LRRC4C: variants seen among roughly 807,000 people sequenced by gnomAD.
LRRC4C encodes the protein leucine-rich repeat-containing protein 4C.
Under a neutral mutation model 33.6 loss-of-function variants are expected in LRRC4C, and 5 were observed. The observed-to-expected ratio is 0.15, with a 90% confidence interval of 0.08 to 0.31. The LOEUF is 0.31. Among genes scored for constraint, LRRC4C ranks in the 10% least tolerant of loss-of-function variants. The probability of loss-of-function intolerance (pLI) is 1.00; values close to 1 mark genes in which losing one functional copy is unlikely to be tolerated. For missense variants in LRRC4C, 560 were observed against 796.7 expected, an observed-to-expected ratio of 0.70 and a Z score of 3.58; for synonymous variants, 329 against 302.0, an observed-to-expected ratio of 1.09 and a Z score of -0.93.
At chr11:40,153,855 G>T (rs1858432513) in intron 5 of LRRC4C, among the ~76,000 whole-genome samples, 1 of 152,114 alleles carries the variant, frequency 6.6e-6, no homozygotes, top group African/African-American at 2.4e-5. Context: ...AATTCTAAAA[G>T]CTCAGAAAAC....
chr11:40,915,270 G>A (rs1956899100), intron 2 of LRRC4C, among the ~76,000 whole-genome samples: 1 of 152,106 alleles, frequency 6.6e-6, no homozygotes. Context: ...AAAGCTGGAG[G>A]CATCACTCTA....
At chr11:41,025,282 G>A (rs1841715) in intron 1 of LRRC4C, among the ~76,000 whole-genome samples, 76,354 of 151,252 alleles carry the variant, frequency 0.5, 20,251 homozygotes, top group East Asian at 0.65. Flanking sequence ...TAAAAGCTAG[G>A]CCTCTTGTGC....
intron 1 of LRRC4C, among the ~76,000 whole-genome samples, chr11:41,058,912 A>C (rs552820919): frequency 6.6e-6 from 1 of 152,282 alleles, no homozygotes. Context: ...CAGGAATGTG[A>C]ATGAAGCTGA....
At chr11:40,494,196 T>G (rs2138546640) in intron 3 of LRRC4C, among the ~76,000 whole-genome samples, 1 of 152,270 alleles carries the variant, frequency 6.6e-6, no homozygotes, top group East Asian at 1.9e-4. Context: ...TCTAGGAAAC[T>G]TCTTAATTTC....
chr11:40,821,954 C>T (rs1951946495), intron 2 of LRRC4C, among the ~76,000 whole-genome samples: 1 of 151,638 alleles, frequency 6.6e-6, no homozygotes, highest in Admixed American at 6.6e-5. Context: ...GCATAATGAC[C>T]AAATCAGGGT....
At chr11:40,588,730 C>T (rs898501874) in intron 3 of LRRC4C, among the ~76,000 whole-genome samples, 1 of 151,958 alleles carries the variant, frequency 6.6e-6, no homozygotes, top group African/African-American at 2.4e-5. Context: ...TCATTTCGTT[C>T]GGTACCCAGT....
At chr11:41,022,260 T>A (rs1309454930) in intron 1 of LRRC4C, among the ~76,000 whole-genome samples, 1 of 150,648 alleles carries the variant, frequency 6.6e-6, no homozygotes, top group Non-Finnish European at 1.5e-5. Flanking sequence ...ACTATCAAGA[T>A]TAACATTGGT....
intron 2 of LRRC4C, among the ~76,000 whole-genome samples, chr11:40,861,986 G>A (rs957207169): frequency 2.0e-5 from 3 of 152,092 alleles, no homozygotes; most frequent in Non-Finnish European, 4.4e-5. Context: ...CTCCTATGGG[G>A]GATCACATTT....
At chr11:40,957,669 C>T (rs911431651) in intron 1 of LRRC4C, among the ~76,000 whole-genome samples, 1 of 151,670 alleles carries the variant, frequency 6.6e-6, no homozygotes, top group Admixed American at 6.6e-5. Context: ...AGCATAAGTG[C>T]TGAAGTCTAG....
chr11:40,580,332 A>C (rs1050403516), intron 3 of LRRC4C, among the ~76,000 whole-genome samples: 2 of 151,932 alleles, frequency 1.3e-5, no homozygotes, highest in Non-Finnish European at 2.9e-5. Context: ...TGCCTTATGA[A>C]ACCATCAGAT....
At chr11:40,659,442 A>G (rs1943308052) in intron 2 of LRRC4C, among the ~76,000 whole-genome samples, 1 of 152,094 alleles carries the variant, frequency 6.6e-6, no homozygotes, top group Non-Finnish European at 1.5e-5. Flanking sequence ...CCAGGCTACC[A>G]ATTCCAGGTG....
At chr11:40,561,760 C>A (rs180870383) in intron 3 of LRRC4C, among the ~76,000 whole-genome samples, 28 of 152,152 alleles carry the variant, frequency 1.8e-4, no homozygotes, top group Non-Finnish European at 2.5e-4. Context: ...ATTAGATAAA[C>A]CTTTCATTGT....
At chr11:40,175,483 A>C (rs1860401416) in intron 5 of LRRC4C, among the ~76,000 whole-genome samples, 1 of 152,182 alleles carries the variant, frequency 6.6e-6, no homozygotes, top group African/African-American at 2.4e-5. Context: ...AAGAGAAAAA[A>C]TTCAAGATCA....
intron 1 of LRRC4C, among the ~76,000 whole-genome samples, chr11:41,132,066 A>G (rs886508541): frequency 1.3e-5 from 2 of 152,158 alleles, no homozygotes; most frequent in Non-Finnish European, 2.9e-5. Flanking sequence ...CTTTCTTAAT[A>G]AAGTTGTTTT....
intron 1 of LRRC4C, among the ~76,000 whole-genome samples, chr11:41,378,184 G>A (rs537003649): frequency 6.6e-6 from 1 of 152,072 alleles, no homozygotes. Context: ...GGTAGGGCAA[G>A]GGGCAAAAGG....
chr11:41,279,037 T>G (rs1476342572), intron 1 of LRRC4C, among the ~76,000 whole-genome samples: 1 of 152,148 alleles, frequency 6.6e-6, no homozygotes. Flanking sequence ...TATGTTCATA[T>G]GTATAAGTGA....
chr11:41,108,099 G>A (rs1941619923), intron 1 of LRRC4C, among the ~76,000 whole-genome samples: 1 of 152,008 alleles, frequency 6.6e-6, no homozygotes, highest in African/African-American at 2.4e-5. Flanking sequence ...AACACTTCCT[G>A]ATAAGCACTA....
chr11:41,103,964 T>C (rs1240562022), intron 1 of LRRC4C, among the ~76,000 whole-genome samples: 1 of 151,944 alleles, frequency 6.6e-6, no homozygotes, highest in Non-Finnish European at 1.5e-5. Flanking sequence ...CTTCAAACTA[T>C]ATATAAACAT....
At chr11:40,733,012 A>G (rs954314114) in intron 2 of LRRC4C, among the ~76,000 whole-genome samples, 1 of 150,114 alleles carries the variant, frequency 6.7e-6, no homozygotes, top group South Asian at 2.1e-4. Context: ...CTACCATCAC[A>G]GAGGTTGGAA....
Sources: allele counts gnomAD v4.1 joint callset (sites outside exome capture counted in the v4.1 genomes callset), GRCh38; gene constraint gnomAD v4.1.1; transcripts MANE v1.5; gene names NCBI Gene and HGNC (gene_info 2026-07-23, HGNC 2026-07-21).